Variants in MTUS2 observed in about 807,000 individuals in gnomAD.
MTUS2 encodes the protein microtubule associated scaffold protein 2.
In MTUS2, 40 loss-of-function variants were observed where a neutral mutation model predicts 114.1. The observed-to-expected ratio is 0.35, with a 90% CI of 0.27 to 0.46. The LOEUF is 0.46. Ranked by LOEUF, MTUS2 falls within the 20% of genes least tolerant of loss-of-function variation. The pLI, the probability that MTUS2 is intolerant of heterozygous loss-of-function variation, is 1.00. For synonymous variants in MTUS2, 688 were observed against 672.0 expected (o/e 1.02, Z -0.37); for missense variants, 1,679 against 1,705.4 (o/e 0.98, Z 0.27).
intron 5 of MTUS2, among the ~76,000 whole-genome samples, chr13:29,104,077 C>T (rs999183164): frequency 2.0e-5 from 3 of 152,260 alleles, no homozygotes; most frequent in South Asian, 2.1e-4. Context: ...CTCAGCTGTT[C>T]CACATAGAGT....
chr13:29,475,789 T>G (rs1880656789), intron 9 of MTUS2, among the ~76,000 whole-genome samples: 1 of 152,234 alleles, frequency 6.6e-6, no homozygotes, highest in East Asian at 1.9e-4. Context: ...TCAAAAAGTT[T>G]GAAAAAATCA....
chr13:29,119,183 T>C lies in MTUS2; in HGVS notation c.2644+18213T>C, dbSNP rs185443835. Among the ~76,000 whole-genome samples the C allele has an allele frequency of 8.5e-5, 13 of 152,322 alleles. No homozygotes were observed. The East Asian group carries it at 1.9e-3, about 23-fold the overall frequency. On this transcript the variant is annotated intron_variant, in intron 5 of 15. Coordinates refer to ENST00000612955, the MANE Select transcript of MTUS2 (RefSeq NM_001033602.4). ...TCATTTAAGGAAATCTAAACTCTTA[T>C]GGTAGTGCTAACAGGATAAAATCCT...
chr13:29,173,294 A>C (rs1051992807), intron 5 of MTUS2, among the ~76,000 whole-genome samples: 1 of 152,134 alleles, frequency 6.6e-6, no homozygotes, highest in Non-Finnish European at 1.5e-5. Context: ...CAGGTTATGT[A>C]AGTCATGAGG....
At chr13:29,267,348 C>T (rs1327589605) in intron 5 of MTUS2, among the ~76,000 whole-genome samples, 2 of 152,204 alleles carry the variant, frequency 1.3e-5, no homozygotes, top group African/African-American at 4.8e-5. Context: ...TGGGTTTCCC[C>T]TCGTCCACCC....
At chr13:28,948,625 C>T (rs1476642821) in intron 2 of MTUS2, among the ~76,000 whole-genome samples, 2 of 152,192 alleles carry the variant, frequency 1.3e-5, no homozygotes, top group East Asian at 1.9e-4. Flanking sequence ...AAAATAGATG[C>T]TTGCAATCTG....
chr13:29,438,175 A>G (rs4411357), intron 8 of MTUS2, among the ~76,000 whole-genome samples: 120,365 of 151,992 alleles, frequency 0.79, 48,124 homozygotes, highest in African/African-American at 0.87. Flanking sequence ...CAGTGGGTGT[A>G]GCATTAGAGT....
intron 5 of MTUS2, among the ~76,000 whole-genome samples, chr13:29,264,209 A>G (rs1897583400): frequency 2.0e-5 from 3 of 152,362 alleles, no homozygotes; most frequent in East Asian, 1.9e-4. Flanking sequence ...AAGCTCCAAA[A>G]TAATCTCCTT....
intron 5 of MTUS2, among the ~76,000 whole-genome samples, chr13:29,256,532 C>A (rs932729497): frequency 2.0e-5 from 3 of 152,262 alleles, no homozygotes; most frequent in Non-Finnish European, 4.4e-5. Flanking sequence ...CCTATCGTCA[C>A]ACTTTCATGT....
At chr13:29,251,631 C>T (rs570625865) in intron 5 of MTUS2, among the ~76,000 whole-genome samples, 1 of 152,170 alleles carries the variant, frequency 6.6e-6, no homozygotes, top group Admixed American at 6.5e-5. Flanking sequence ...TCTCTATGAA[C>T]TGCTATTCTA....
At chr13:29,240,578 T>C (rs1390105528) in intron 5 of MTUS2, among the ~76,000 whole-genome samples, 2 of 152,350 alleles carry the variant, frequency 1.3e-5, no homozygotes, top group Admixed American at 6.5e-5. Flanking sequence ...CACATTACTT[T>C]TGTCAGTGTA....
chr13:29,097,054 T>G (rs1312068246), intron 4 of MTUS2, among the ~76,000 whole-genome samples: 1 of 152,128 alleles, frequency 6.6e-6, no homozygotes, highest in Non-Finnish European at 1.5e-5. Flanking sequence ...GGAGTGAGAA[T>G]TGGTGGTGGC....
At chr13:29,157,337 A>T (rs764026780) in intron 5 of MTUS2, among the ~76,000 whole-genome samples, 34 of 152,178 alleles carry the variant, frequency 2.2e-4, no homozygotes, top group Non-Finnish European at 4.4e-4. Flanking sequence ...TCAGTGTGTA[A>T]GAGTCCCCAA....
intron 9 of MTUS2, among the ~76,000 whole-genome samples, chr13:29,478,298 T>C (rs551245454): frequency 3.9e-5 from 6 of 152,334 alleles, no homozygotes; most frequent in Middle Eastern, 6.8e-3. Flanking sequence ...GTTTCTTTCC[T>C]GATTTTCATG....
At chr13:29,435,906 G>A (rs1274305481) in intron 8 of MTUS2, among the ~76,000 whole-genome samples, 1 of 152,202 alleles carries the variant, frequency 6.6e-6, no homozygotes, top group Non-Finnish European at 1.5e-5. Context: ...TCATCAGACA[G>A]CATCCTTCTA....
intron 5 of MTUS2, among the ~76,000 whole-genome samples, chr13:29,179,764 T>C (rs1212051461): frequency 1.3e-5 from 2 of 152,266 alleles, no homozygotes; most frequent in African/African-American, 4.8e-5. Flanking sequence ...TTATACTTTG[T>C]ACCAGCTCAT....
intron 3 of MTUS2, among the ~76,000 whole-genome samples, chr13:29,028,549 C>T (rs1886669668): frequency 6.6e-6 from 1 of 151,722 alleles, no homozygotes; most frequent in African/African-American, 2.4e-5. Context: ...TTGCACCTCC[C>T]TCTGCTTGGA....
chr13:29,291,319 C>T (rs953706574), intron 6 of MTUS2, among the ~76,000 whole-genome samples: 3 of 152,252 alleles, frequency 2.0e-5, no homozygotes, highest in Admixed American at 6.5e-5. Context: ...TGAGACACGC[C>T]ATGGACAGTT....
At chr13:29,146,559 C>A (rs1302297342) in intron 5 of MTUS2, among the ~76,000 whole-genome samples, 1 of 152,184 alleles carries the variant, frequency 6.6e-6, no homozygotes, top group Non-Finnish European at 1.5e-5. Flanking sequence ...AATAATTTGT[C>A]ATTTTTAAAT....
intron 8 of MTUS2, among the ~76,000 whole-genome samples, chr13:29,385,553 C>T (rs1406788167): frequency 6.6e-6 from 1 of 152,196 alleles, no homozygotes; most frequent in Admixed American, 6.5e-5. Flanking sequence ...CTGCCCCATC[C>T]AATCCATCCT....
Sources: gnomAD v4.1 joint callset for allele counts (sites outside exome capture counted in the v4.1 genomes callset) on GRCh38, gnomAD v4.1.1 for gene constraint, MANE v1.5 for transcripts, NCBI Gene and HGNC (gene_info 2026-07-23, HGNC 2026-07-21) for gene names.